Variants in OTP observed in about 807,000 individuals in gnomAD.
The protein encoded by OTP is orthopedia homeobox.
In OTP, 5 loss-of-function variants were observed where a neutral mutation model predicts 22.3. That is an observed-to-expected ratio of 0.22 (90% confidence interval 0.12 to 0.47). The LOEUF is 0.47. Ranked by LOEUF, OTP falls within the 20% of genes least tolerant of loss-of-function variation. The pLI is 0.99. For synonymous variants in OTP, 229 were observed against 210.6 expected (o/e 1.09, Z -0.76); for missense variants, 428 against 456.2 (o/e 0.94, Z 0.56).
At chr5:77,635,085 T>C (rs1484173898) in intron 2 of OTP, among the ~76,000 whole-genome samples, 2 of 152,006 alleles carry the variant, frequency 1.3e-5, no homozygotes, top group African/African-American at 2.4e-5. Context: ...TTCAATTATA[T>C]TTTATTTGTG....
chr5:77,630,333 C>G lies in OTP; in HGVS notation c.909G>C (p.Trp303Cys). The G allele has an allele frequency of 6.4e-7, 1 of 1,568,728 alleles. No individual in the cohort carries two copies. Among genetic ancestry groups the G allele is most frequent in the Non-Finnish European group, 8.6e-7 (1 of 1,160,844 alleles). The change falls in exon 3 of 3, where the codon TGG becomes TGC. Residue 303 changes from tryptophan to cysteine, a missense_variant. Trp to Cys is a radical substitution (Grantham distance 215, BLOSUM62 -2). Around this residue, in one of 3 missense-constraint regions of OTP, gnomAD observed 236 missense variants for 238.1 expected, o/e 0.99. Coordinates refer to ENST00000306422, the MANE Select transcript of OTP (RefSeq NM_032109.3). ...GGAGGGAGGCGATGCTGGTGCCCCG[C>G]CACACGTCGCTGCTGTCCGGGGAGC... The part of the protein sequence containing the change: ...LCSSPDSSDV[W>C]RGTSIASLRR...
intron 2 of OTP, among the ~76,000 whole-genome samples, chr5:77,631,551 C>CTTT (rs70988699): frequency 0.026 from 1,934 of 74,234 alleles, 117 homozygotes; most frequent in Non-Finnish European, 0.035. Flanking sequence ...CAACCCTATT[C>CTTT]TTTTTTTTTT....
intron 1 of OTP, 93 bp from the exon 2 acceptor site, chr5:77,637,323 C>G (rs1745026135): frequency 7.3e-7 from 1 of 1,371,578 alleles, no homozygotes; most frequent in African/African-American, 1.5e-5. Flanking sequence ...CCGTCCTCGG[C>G]CCCCTCCGCA....
chr5:77,636,061 C>G (rs918037595), intron 2 of OTP: 1 of 152,126 alleles, frequency 6.6e-6, no homozygotes, highest in Non-Finnish European at 1.5e-5. Context: ...CAATGATTTC[C>G]TCTACTGCCT....
In OTP at chr5:77,629,173, C is replaced by T. The variant is rs1309818196; in HGVS notation, c.*1091G>A. 1 of 152,412 alleles carries T rather than the reference C, an allele frequency of 6.6e-6. No individual in the cohort carries two copies. Among genetic ancestry groups the T allele is most frequent in the Non-Finnish European group, 1.5e-5 (1 of 68,052 alleles). The allele number at this position is 152,412 out of a possible 1,614,324, so 9.4% of individuals were successfully genotyped here. On this transcript the variant is annotated 3_prime_UTR_variant, in exon 3 of 3. Coordinates refer to ENST00000306422, the MANE Select transcript of OTP (RefSeq NM_032109.3). ...AAACAAACCCCAGTCCTGAAGGATC[C>T]AGAAAAGAGATGTGGCTTTTGCTTT...
chr5:77,636,507 GC>G (rs765340564), intron 2 of OTP: 1 of 348,910 alleles, frequency 2.9e-6, no homozygotes, highest in Non-Finnish European at 5.2e-6. Context: ...CGGCTGGGCC[GC>G]CCGGGGGGGC....
chr5:77,636,942 G>C lies in OTP; in HGVS notation c.326C>G (p.Thr109Arg). The change falls in exon 2 of 3, where the codon ACG becomes AGG. Residue 109 changes from threonine to arginine, a missense_variant. Coordinates refer to ENST00000306422, the MANE Select transcript of OTP (RefSeq NM_032109.3). Reference sequence around the variant, plus strand: ...GTTGAGCTGTGCGGGGGTGAAGCGCGTCCGGTGGCGCTTCTGCTTCTGTTG... The same window carrying C: ...GTTGAGCTGTGCGGGGGTGAAGCGCCTCCGGTGGCGCTTCTGCTTCTGTTG... ...QGQQKQKRHR[T>R]RFTPAQLNEL... 6.2e-7 allele frequency: 1 copy of C among 1,614,160 alleles called. No individual in the cohort carries two copies. Among genetic ancestry groups the C allele is most frequent in the Non-Finnish European group, 8.5e-7 (1 of 1,180,004 alleles).
At position 77,629,941 on chromosome 5, in the gene OTP, C is replaced by T; in HGVS notation, c.*323G>A. 5.6e-6 allele frequency: 1 copy of T among 177,322 alleles called. No individual in the cohort carries two copies. The highest frequency in any genetic ancestry group is 1.2e-5 in the Non-Finnish European group (1 of 85,376). The allele number at this position is 177,322 out of a possible 1,614,324, so 11.0% of individuals were successfully genotyped here. On this transcript the variant is annotated 3_prime_UTR_variant, in exon 3 of 3. Coordinates refer to ENST00000306422, the MANE Select transcript of OTP (RefSeq NM_032109.3). ...AGGAGGAGGGCGCGAGCACGGCCAG[C>T]GCAAGCAGGGAGGCCAGGGTGGCGG...
Position 77,630,461 on chromosome 5 carries a change from C to CT in OTP, c.780_781insA (p.Gly261ArgfsTer276). 1 of 1,586,182 alleles carries CT rather than the reference C, an allele frequency of 6.3e-7. No individual in the cohort carries two copies. ...TAGAGGTGCGACTGCAGCCCCGCGC[C>CT]GTTGGAACCCGCCAGGCTGTTGGAC... On this transcript the variant is annotated frameshift_variant, in exon 3 of 3. Coordinates refer to ENST00000306422, the MANE Select transcript of OTP (RefSeq NM_032109.3). LOFTEE classifies it high-confidence loss of function.
At chr5:77,635,360 G>A (rs1330297995) in intron 2 of OTP, among the ~76,000 whole-genome samples, 1 of 152,128 alleles carries the variant, frequency 6.6e-6, no homozygotes, top group Admixed American at 6.5e-5. Context: ...AAATTTTGAA[G>A]AGCATTACTA....
In OTP at chr5:77,638,578, C is replaced by G; in HGVS notation, c.-29G>C. On this transcript the variant is annotated 5_prime_UTR_variant, in exon 1 of 3. Coordinates refer to ENST00000306422, the MANE Select transcript of OTP (RefSeq NM_032109.3). ...GCACCGCTCCAGGGCGAAAGCTGTTCCCCCCCAAATTTTAGCGGCTTTAAG... is the reference window on the plus strand; with the variant it reads ...GCACCGCTCCAGGGCGAAAGCTGTTGCCCCCCAAATTTTAGCGGCTTTAAG... 1 of 1,544,898 alleles carries G rather than the reference C, an allele frequency of 6.5e-7. No homozygotes were observed. The highest frequency in any genetic ancestry group is 8.7e-7 in the Non-Finnish European group (1 of 1,151,070).
chr5:77,631,781 T>C (rs1043113092), intron 2 of OTP, among the ~76,000 whole-genome samples: 4 of 151,828 alleles, frequency 2.6e-5, no homozygotes, highest in Non-Finnish European at 5.9e-5. Context: ...GCCAGGCTGG[T>C]CTTGAACTCC....
Position 77,637,128 on chromosome 5 carries a change from GGCGCC to G in OTP, c.135_139del (p.Ala46GlnfsTer3). On this transcript the variant is annotated frameshift_variant, in exon 2 of 3. Coordinates refer to ENST00000306422, the MANE Select transcript of OTP (RefSeq NM_032109.3). LOFTEE classifies it high-confidence loss of function. ...GGCTCCCTCCACTGGGTCAGAGTTGGGCGCCAGGTCCCCCGGATGGCCCCCGGGGT... is the reference window on the plus strand; with the variant it reads ...GGCTCCCTCCACTGGGTCAGAGTTGGAGGTCCCCCGGATGGCCCCCGGGGT... 6.2e-7 allele frequency: 1 copy of G among 1,607,426 alleles called. No individual in the cohort carries two copies. Among genetic ancestry groups the G allele is most frequent in the Non-Finnish European group, 8.5e-7 (1 of 1,177,006 alleles).
Position 77,630,284 on chromosome 5 carries a change from C to A in OTP, c.958G>T (p.Val320Phe). Residue 320 changes from valine to phenylalanine, a missense_variant, in exon 3 of 3, where the codon GTC becomes TTC. Transcript: ENST00000306422. ...SLRRKALEHT[V>F]SMSFT ...CTGCATTAAGTGAAGCTCATAGAGACTGTGTGCTCTAGCGCCTTGCGGCGG... is the reference window on the plus strand; with the variant it reads ...CTGCATTAAGTGAAGCTCATAGAGAATGTGTGCTCTAGCGCCTTGCGGCGG... 1 of 1,557,516 alleles carries A rather than the reference C, an allele frequency of 6.4e-7. No homozygotes were observed. The highest frequency in any genetic ancestry group is 8.7e-7 in the Non-Finnish European group (1 of 1,154,448).
At position 77,637,085 on chromosome 5, in the gene OTP, C is replaced by T. The variant is rs1354688427; in HGVS notation, c.183G>A (p.Glu61=). The T allele has an allele frequency of 4.3e-6, 7 of 1,613,294 alleles. No individual in the cohort carries two copies. The highest frequency in any genetic ancestry group is 4.2e-6 in the Non-Finnish European group (5 of 1,179,766). The change falls in exon 2 of 3, where the codon GAG becomes GAA. Residue 61 remains glutamate, a synonymous_variant. Transcript: ENST00000306422. Reference sequence around the variant, plus strand: ...GAGTAGAGCCCACTGTGGTGATGTCCTCCCCGGGCAGCAGAGTGGCTCCCT... The same window carrying T: ...GAGTAGAGCCCACTGTGGTGATGTCTTCCCCGGGCAGCAGAGTGGCTCCCT... ...PVEGATLLPG[E]DITTVGSTPA... is the part of the protein sequence containing the mutation.
At chr5:77,637,259 A>T in intron 1 of OTP, 29 bp from the exon 2 acceptor site, 1 of 1,463,788 alleles carries the variant, frequency 6.8e-7, no homozygotes, top group Non-Finnish European at 9.0e-7. Context: ...CGCGGTCACT[A>T]CTTTCTTGGC....
In OTP at chr5:77,629,174, A is replaced by C. The variant is rs1442821820; in HGVS notation, c.*1090T>G. The C allele has an allele frequency of 1.3e-5, 2 of 152,498 alleles. No homozygotes were observed. The highest frequency in any genetic ancestry group is 2.9e-5 in the Non-Finnish European group (2 of 68,062). 9.4% of individuals were successfully genotyped at this position (152,498 alleles called of 1,614,324 possible). On this transcript the variant is annotated 3_prime_UTR_variant, in exon 3 of 3. Transcript: ENST00000306422. ...AACAAACCCCAGTCCTGAAGGATCC[A>C]GAAAAGAGATGTGGCTTTTGCTTTT...
At chr5:77,631,917 T>C (rs1744937652) in intron 2 of OTP, among the ~76,000 whole-genome samples, 1 of 152,102 alleles carries the variant, frequency 6.6e-6, no homozygotes, top group Non-Finnish European at 1.5e-5. Flanking sequence ...AGGCCTCCAG[T>C]TCCCTCAAGT....
chr5:77,634,231 A>G (rs1744975046), intron 2 of OTP, among the ~76,000 whole-genome samples: 1 of 152,188 alleles, frequency 6.6e-6, no homozygotes, highest in South Asian at 2.1e-4. Flanking sequence ...TGATCACATA[A>G]TTTGCATGAT....
Sources: gnomAD v4.1 joint callset for allele counts (sites outside exome capture counted in the v4.1 genomes callset) on GRCh38, gnomAD v4.1.1 for gene constraint, gnomAD v4.1.1 regional missense constraint, MANE v1.5 for transcripts, NCBI Gene and HGNC (gene_info 2026-07-23, HGNC 2026-07-21) for gene names.